The following PDE1C variants were observed in gnomAD, a reference collection of about 807,000 sequenced individuals.
The protein encoded by PDE1C is dual specificity calcium/calmodulin-dependent 3',5'-cyclic nucleotide phosphodiesterase 1C.
A neutral mutation model predicts 93.1 loss-of-function variants in PDE1C; 62 were observed. That is an observed-to-expected ratio of 0.67 (90% CI 0.54 to 0.82). The LOEUF is 0.82. Among genes scored for constraint, PDE1C ranks in the 40% least tolerant of loss-of-function variants. The pLI, the probability that PDE1C is intolerant of heterozygous loss-of-function variation, is 0.00. For missense variants in PDE1C, 742 were observed against 884.6 expected, an observed-to-expected ratio of 0.84 and a Z score of 2.04; for synonymous variants, 325 against 310.1, an observed-to-expected ratio of 1.05 and a Z score of -0.50.
chr7:32,147,984 T>TAAAAAAAAA (rs752433564), intron 3 of PDE1C, among the ~76,000 whole-genome samples: 5 of 79,720 alleles, frequency 6.3e-5, no homozygotes, highest in Non-Finnish European at 8.9e-5. Context: ...CCATTTATGC[T>TAAAAAAAAA]AAAAAAAAAA....
chr7:32,028,382 G>A (rs745790470), intron 2 of PDE1C, among the ~76,000 whole-genome samples: 10 of 152,028 alleles, frequency 6.6e-5, no homozygotes, highest in African/African-American at 1.4e-4. Flanking sequence ...TCCTACTACT[G>A]GAGGTTCACC....
chr7:32,297,177 C>T (rs887985642), intron 1 of PDE1C, among the ~76,000 whole-genome samples: 1 of 152,102 alleles, frequency 6.6e-6, no homozygotes, highest in Non-Finnish European at 1.5e-5. Flanking sequence ...TGGAGAAGGG[C>T]AAGTGTTCAG....
chr7:31,870,602 C>T (rs4720048), intron 6 of PDE1C, among the ~76,000 whole-genome samples: 13,797 of 151,966 alleles, frequency 0.091, 926 homozygotes, highest in East Asian at 0.25. Context: ...GAGTTTGAAT[C>T]AGTAATACAA....
intron 3 of PDE1C, among the ~76,000 whole-genome samples, chr7:32,133,541 G>A (rs984146260): frequency 3.9e-5 from 6 of 152,168 alleles, no homozygotes; most frequent in Admixed American, 3.3e-4. Context: ...CTGAACCAGT[G>A]TATAAATTTA....
chr7:32,135,957 A>G (rs1021214708), intron 3 of PDE1C, among the ~76,000 whole-genome samples: 1 of 152,212 alleles, frequency 6.6e-6, no homozygotes, highest in Non-Finnish European at 1.5e-5. Flanking sequence ...TTGCAAAGAC[A>G]TGATAGCATG....
chr7:31,768,397 A>G (rs928200671), intron 17 of PDE1C, among the ~76,000 whole-genome samples: 1 of 152,224 alleles, frequency 6.6e-6, no homozygotes, highest in Non-Finnish European at 1.5e-5. Flanking sequence ...TATGTTATTC[A>G]TCTGTTGTTG....
intron 1 of PDE1C, among the ~76,000 whole-genome samples, chr7:32,263,815 T>C (rs1810391913): frequency 6.6e-6 from 1 of 152,194 alleles, no homozygotes; most frequent in African/African-American, 2.4e-5. Flanking sequence ...TGTTTCCTTG[T>C]GATTAGATTG....
intron 1 of PDE1C, among the ~76,000 whole-genome samples, chr7:32,267,403 T>C (rs1810661806): frequency 6.6e-6 from 1 of 152,032 alleles, no homozygotes; most frequent in Non-Finnish European, 1.5e-5. Flanking sequence ...AGTCAGAACA[T>C]GTGGAGTGAA....
the PDE1C span, among the ~76,000 whole-genome samples, chr7:31,665,118 T>A: frequency 3.1e-4 from 47 of 152,276 alleles, 1 homozygote; most frequent in Middle Eastern, 3.4e-3. Flanking sequence ...ACTTCATGGG[T>A]CTTCTTGCTA....
intron 2 of PDE1C, among the ~76,000 whole-genome samples, chr7:31,974,143 G>A (rs1004941814): frequency 5.3e-5 from 8 of 152,064 alleles, no homozygotes; most frequent in Non-Finnish European, 1.2e-4. Context: ...TAAAGTTGAA[G>A]TTAAGCAGTT....
rs375309247 is a variant in PDE1C, at chr7:31,920,552, C to CT, written c.129-39693dup. ...TCAGGGTATAGCCACCTTGTTAAGT[C>CT]TTTTTTTTATCACCATTTTTATTAA... On this transcript the variant is annotated intron_variant, in intron 2 of 17. Transcript: ENST00000396191. Among the ~76,000 whole-genome samples, 974 of 151,088 alleles carry CT rather than the reference C, an allele frequency of 6.4e-3. 11 individuals are homozygous for CT. The highest frequency in any genetic ancestry group is 0.022 in the African/African-American group (893 of 40,596).
At chr7:32,113,401 C>A (rs1246589000) in intron 3 of PDE1C, among the ~76,000 whole-genome samples, 1 of 149,728 alleles carries the variant, frequency 6.7e-6, no homozygotes, top group Non-Finnish European at 1.5e-5. Context: ...TGAATCCATG[C>A]ACACTGTTTT....
downstream of PDE1C, among the ~76,000 whole-genome samples, chr7:31,748,692 G>T (rs1794056844): frequency 6.6e-6 from 1 of 152,190 alleles, no homozygotes; most frequent in Non-Finnish European, 1.5e-5. Context: ...CATCTATGAT[G>T]CAGGGCCTTC....
At chr7:32,332,259 G>A (rs1227937746) in intron 1 of PDE1C, among the ~76,000 whole-genome samples, 1 of 151,994 alleles carries the variant, frequency 6.6e-6, no homozygotes, top group Non-Finnish European at 1.5e-5. Flanking sequence ...AAAATCAATT[G>A]CCAATAAACA....
intron 1 of PDE1C, among the ~76,000 whole-genome samples, chr7:32,056,404 C>G (rs977213703): frequency 2.0e-5 from 3 of 148,532 alleles, no homozygotes; most frequent in Non-Finnish European, 4.5e-5. Flanking sequence ...CACACACACA[C>G]AGCTTCATCT....
intron 1 of PDE1C, among the ~76,000 whole-genome samples, chr7:32,333,175 TAAA>T (rs1323292825): frequency 1.3e-5 from 2 of 152,122 alleles, no homozygotes; most frequent in East Asian, 3.9e-4. Context: ...CCAAGCAAGT[TAAA>T]ACAGGATGAA....
chr7:32,040,920 G>A (rs1002311266), intron 2 of PDE1C, among the ~76,000 whole-genome samples: 6 of 152,162 alleles, frequency 3.9e-5, no homozygotes, highest in Admixed American at 3.9e-4. Flanking sequence ...CTGATTCCAT[G>A]CTTTAGTAAA....
chr7:31,632,405 C>A, the PDE1C span, among the ~76,000 whole-genome samples: 81 of 152,214 alleles, frequency 5.3e-4, no homozygotes, highest in Middle Eastern at 3.4e-3. Flanking sequence ...CGAGATTGTG[C>A]CACTGCACTC....
chr7:32,239,952 C>T (rs1808418073), intron 1 of PDE1C, among the ~76,000 whole-genome samples: 1 of 152,200 alleles, frequency 6.6e-6, no homozygotes, highest in Admixed American at 6.5e-5. Flanking sequence ...ATCTCTCTTT[C>T]CTTTTGTCAC....
Sources: gnomAD v4.1 joint callset for allele counts (sites outside exome capture counted in the v4.1 genomes callset) on GRCh38, gnomAD v4.1.1 for gene constraint, MANE v1.5 for transcripts, NCBI Gene and HGNC (gene_info 2026-07-23, HGNC 2026-07-21) for gene names.